NCKAP1: variants seen among roughly 807,000 people sequenced by gnomAD.
NCKAP1 encodes nck-associated protein 1.
Under a neutral mutation model 151.2 loss-of-function variants are expected in NCKAP1, and 21 were observed. The ratio of observed to expected loss-of-function variants is 0.14; its 90% CI spans 0.10 to 0.20. The LOEUF (loss-of-function observed/expected upper bound fraction) is 0.20, where lower values mean the gene tolerates loss of function less well. Among genes scored for constraint, NCKAP1 ranks in the 10% least tolerant of loss-of-function variants. The probability of loss-of-function intolerance (pLI) is 1.00; values close to 1 mark genes in which losing one functional copy is unlikely to be tolerated. For synonymous variants in NCKAP1, 484 were observed against 451.8 expected (o/e 1.07, Z -0.90); for missense variants, 933 against 1,352.1 (o/e 0.69, Z 4.86).
rs1018423097 is a variant in NCKAP1 at position 182,986,921 on chromosome 2, T to A, written c.948-694A>T. On this transcript the variant is annotated intron_variant, in intron 9 of 30. Transcript: ENST00000361354. ...AATTCCTAAAATGTTAAAGAAAAAA[T>A]ATCTTCCTGACAACCTCTCTAAAAA... 2.0e-4 allele frequency among the ~76,000 whole-genome samples: 31 copies of A among 152,108 alleles called. 1 individual carries two copies. Among genetic ancestry groups the A allele is most frequent in the African/African-American group, 7.2e-4 (30 of 41,508 alleles).
At chr2:182,974,421 T>C (rs894806065) in intron 15 of NCKAP1, among the ~76,000 whole-genome samples, 18 of 152,116 alleles carry the variant, frequency 1.2e-4, no homozygotes, top group Admixed American at 7.9e-4. Flanking sequence ...GTGACCTTAT[T>C]TGGAATTAGG....
At chr2:183,026,247 A>C (rs1044741969) in intron 1 of NCKAP1, among the ~76,000 whole-genome samples, 4 of 152,178 alleles carry the variant, frequency 2.6e-5, no homozygotes, top group African/African-American at 9.7e-5. Flanking sequence ...TGGACAACAT[A>C]GCATGACCCT....
intron 2 of NCKAP1, among the ~76,000 whole-genome samples, chr2:183,017,702 T>C (rs913466196): frequency 2.6e-5 from 4 of 152,130 alleles, no homozygotes; most frequent in South Asian, 2.1e-4. Flanking sequence ...AGATCGTATA[T>C]GTACTTAGTT....
At chr2:182,979,902 G>T (rs1697903349) in intron 13 of NCKAP1, among the ~76,000 whole-genome samples, 5 of 152,012 alleles carry the variant, frequency 3.3e-5, no homozygotes, top group Admixed American at 3.3e-4. Flanking sequence ...TACAGATTTG[G>T]TAAGATACAC....
At chr2:183,037,949 G>GGGCC in intron 1 of NCKAP1, 43 bp downstream of exon 1, 1 of 1,490,846 alleles carries the variant, frequency 6.7e-7, no homozygotes, top group Non-Finnish European at 9.0e-7. Flanking sequence ...CATCCCTCCC[G>GGGCC]GGCCCGCCCG....
chr2:182,956,784 G>A (rs944400024), intron 19 of NCKAP1, 191 bp from the exon 20 acceptor site: 44 of 517,926 alleles, frequency 8.5e-5, no homozygotes, highest in Middle Eastern at 5.1e-4. Context: ...TAAAGATGGC[G>A]TCATTTGTTT....
intron 2 of NCKAP1, among the ~76,000 whole-genome samples, chr2:183,018,247 A>T (rs188182192): frequency 6.6e-6 from 1 of 152,192 alleles, no homozygotes; most frequent in Admixed American, 6.5e-5. Context: ...ACTCCGTCTC[A>T]AAAAAACAAA....
intron 24 of NCKAP1, among the ~76,000 whole-genome samples, chr2:182,938,492 A>G (rs1302928670): frequency 6.6e-6 from 1 of 152,218 alleles, no homozygotes; most frequent in Non-Finnish European, 1.5e-5. Flanking sequence ...GTAGTCACCA[A>G]CAAACTTTCA....
chr2:182,974,245 T>C (rs989395309), intron 15 of NCKAP1, among the ~76,000 whole-genome samples: 8 of 147,466 alleles, frequency 5.4e-5, no homozygotes, highest in Admixed American at 4.1e-4. Context: ...TTGTATGCAT[T>C]GTCCTGTTGT....
At chr2:182,992,077 G>C (rs1232733560) in intron 8 of NCKAP1, among the ~76,000 whole-genome samples, 1 of 152,128 alleles carries the variant, frequency 6.6e-6, no homozygotes, top group African/African-American at 2.4e-5. Context: ...GTAGGTCTTG[G>C]GTAGGGACCA....
intron 9 of NCKAP1, among the ~76,000 whole-genome samples, chr2:182,988,395 A>G (rs1050685375): frequency 3.9e-5 from 6 of 152,180 alleles, no homozygotes; most frequent in Non-Finnish European, 8.8e-5. Context: ...AGATATTTTT[A>G]AAAGATTTCA....
At chr2:182,936,427 A>G (rs1205471238) in intron 24 of NCKAP1, among the ~76,000 whole-genome samples, 2 of 152,216 alleles carry the variant, frequency 1.3e-5, no homozygotes, top group East Asian at 3.8e-4. Context: ...CTCGAATAGC[A>G]GACAGTCTAA....
At chr2:183,019,105 T>C (rs1405058344) in intron 2 of NCKAP1, among the ~76,000 whole-genome samples, 1 of 152,316 alleles carries the variant, frequency 6.6e-6, no homozygotes, top group South Asian at 2.1e-4. Context: ...AGAATCCCTA[T>C]ATCACTCCTG....
rs564616887 is a variant in NCKAP1, at chr2:182,913,659, T to C, written c.*12043A>G. ...TTACCCAGTCTCGGGTATTCAGCTATAGCAACAAAAAATGAACGAAGATAA... is the reference window on the plus strand; with the variant it reads ...TTACCCAGTCTCGGGTATTCAGCTACAGCAACAAAAAATGAACGAAGATAA... On this transcript the variant is annotated 3_prime_UTR_variant, in exon 31 of 31. Transcript: ENST00000361354. The C allele has an allele frequency of 1.8e-4, 28 of 152,316 alleles. No individual in the cohort carries two copies. Among genetic ancestry groups the C allele is most frequent in the African/African-American group, 6.7e-4 (28 of 41,580 alleles). 9.4% of individuals were successfully genotyped at this position (152,316 alleles called of 1,614,324 possible).
intron 2 of NCKAP1, among the ~76,000 whole-genome samples, chr2:183,008,851 A>C (rs1698532231): frequency 6.6e-6 from 1 of 152,248 alleles, no homozygotes; most frequent in South Asian, 2.1e-4. Context: ...AAAAGAAATG[A>C]GTGGCAACCA....
At chr2:182,979,385 CTGTA>C (rs1414733058) in intron 13 of NCKAP1, among the ~76,000 whole-genome samples, 1 of 152,078 alleles carries the variant, frequency 6.6e-6, no homozygotes, top group Non-Finnish European at 1.5e-5. Context: ...TTTTTGTTGT[CTGTA>C]TGTTAGGCCT....
At chr2:182,935,614 T>C (rs1696857418) in intron 24 of NCKAP1, 2 of 258,262 alleles carry the variant, frequency 7.7e-6, no homozygotes, top group Non-Finnish European at 1.4e-5. Context: ...TTGTGCTCTT[T>C]CATATGAGTT....
At chr2:182,953,469 A>T in intron 20 of NCKAP1, 138 bp from the exon 21 acceptor site, 1 of 615,598 alleles carries the variant, frequency 1.6e-6, no homozygotes, top group South Asian at 2.5e-5. Flanking sequence ...AAAGCTGTAA[A>T]ATTACTGTCA....
In NCKAP1 at chr2:182,921,738, G is replaced by C. The variant is rs1696552940; in HGVS notation, c.*3964C>G. ...CTTTTATTGGAAATGAAACATTCCA[G>C]AGTTAGACATGTTTACTCTGGACAG... On this transcript the variant is annotated 3_prime_UTR_variant, in exon 31 of 31. Coordinates refer to ENST00000361354, the MANE Select transcript of NCKAP1 (RefSeq NM_013436.5). 6.6e-6 allele frequency: 1 copy of C among 152,220 alleles called. No homozygotes were observed. The highest frequency in any genetic ancestry group is 1.5e-5 in the Non-Finnish European group (1 of 68,042). 9.4% of individuals were successfully genotyped at this position (152,220 alleles called of 1,614,324 possible).
Sources: allele counts gnomAD v4.1 joint callset (sites outside exome capture counted in the v4.1 genomes callset), GRCh38; gene constraint gnomAD v4.1.1; transcripts MANE v1.5; gene names NCBI Gene and HGNC (gene_info 2026-07-23, HGNC 2026-07-21).